GADL1: variants seen among roughly 807,000 people sequenced by gnomAD.
GADL1 encodes the protein GAD like acidic amino acid decarboxylase 1.
In GADL1, 71 loss-of-function variants were observed where a neutral mutation model predicts 69.5. The ratio of observed to expected loss-of-function variants is 1.02; its 90% CI spans 0.84 to 1.25. GADL1 has a LOEUF of 1.25. Ranked by LOEUF, GADL1 falls within the 50% of genes most tolerant of loss-of-function variation. The probability of loss-of-function intolerance (pLI) is 0.00; values close to 1 mark genes in which losing one functional copy is unlikely to be tolerated. For missense variants in GADL1, 737 were observed against 631.8 expected (o/e 1.17, Z -1.79); for synonymous variants, 254 against 214.4 (o/e 1.18, Z -1.62).
chr3:30,816,530 C>CTTTTTTTTTTTTTTTTTTTTTTTTTTT lies in GADL1; in HGVS notation c.1051-15469_1051-15443dup, dbSNP rs773530741. On this transcript the variant is annotated intron_variant, in intron 11 of 14. Coordinates refer to ENST00000282538, the MANE Select transcript of GADL1 (RefSeq NM_207359.3). Reference sequence around the variant, plus strand: ...AGACCATATATTCTTAATTTGTTTTCTTTTTTTTTTTTTTTTTTTTTTTTT... The same window carrying CTTTTTTTTTTTTTTTTTTTTTTTTTTT: ...AGACCATATATTCTTAATTTGTTTTCTTTTTTTTTTTTTTTTTTTTTTTTTTTTTTTTTTTTTTTTTTTTTTTTTTTT... Among the ~76,000 whole-genome samples the CTTTTTTTTTTTTTTTTTTTTTTTTTTT allele has an allele frequency of 5.6e-5, 3 of 53,986 alleles. 1 individual carries two copies. Among genetic ancestry groups the CTTTTTTTTTTTTTTTTTTTTTTTTTTT allele is most frequent in the Non-Finnish European group, 7.9e-5 (2 of 25,434 alleles). The allele number at this position is 53,986 out of a possible 152,430, so 35.4% of individuals were successfully genotyped here.
At chr3:30,762,524 G>T (rs562858100) in intron 14 of GADL1, among the ~76,000 whole-genome samples, 1 of 152,020 alleles carries the variant, frequency 6.6e-6, no homozygotes, top group African/African-American at 2.4e-5. Flanking sequence ...AATTCTGGGG[G>T]TACATAAGAT....
intron 12 of GADL1, among the ~76,000 whole-genome samples, chr3:30,791,294 A>T (rs1425636297): frequency 1.3e-5 from 2 of 152,176 alleles, no homozygotes; most frequent in Non-Finnish European, 2.9e-5. Context: ...TGTTAACTCA[A>T]AAGCTTGTTA....
chr3:30,815,045 G>C (rs1697438853), intron 11 of GADL1, among the ~76,000 whole-genome samples: 1 of 151,974 alleles, frequency 6.6e-6, no homozygotes, highest in East Asian at 1.9e-4. Flanking sequence ...CACTAAAAGA[G>C]ATACTTAAAC....
At chr3:30,778,938 C>T (rs1365050966) in intron 13 of GADL1, 1 of 152,162 alleles carries the variant, frequency 6.6e-6, no homozygotes, top group East Asian at 1.9e-4. Flanking sequence ...CTAGAAAAGG[C>T]TAAAGAATTG....
chr3:30,738,467 T>G (rs17026472), intron 14 of GADL1, among the ~76,000 whole-genome samples: 15,597 of 152,148 alleles, frequency 0.1, 907 homozygotes, highest in East Asian at 0.23. Flanking sequence ...ATCTCTACAC[T>G]TTTTCTTGAC....
chr3:30,872,001 G>A (rs1379302793), intron 1 of GADL1, among the ~76,000 whole-genome samples: 1 of 151,888 alleles, frequency 6.6e-6, no homozygotes, highest in African/African-American at 2.4e-5. Flanking sequence ...CCTATTGCTT[G>A]AGTAAATATT....
At chr3:30,886,120 A>C (rs528977690) in intron 1 of GADL1, among the ~76,000 whole-genome samples, 1 of 152,286 alleles carries the variant, frequency 6.6e-6, no homozygotes, top group African/African-American at 2.4e-5. Context: ...AAAATTACTA[A>C]TATTTGAACT....
intron 11 of GADL1, among the ~76,000 whole-genome samples, chr3:30,810,669 TTG>T (rs1160653301): frequency 6.6e-6 from 1 of 152,096 alleles, no homozygotes; most frequent in Non-Finnish European, 1.5e-5. Flanking sequence ...AAGGGCATGT[TTG>T]TGCAGTGGGC....
chr3:30,879,731 TA>T (rs1470321559), intron 1 of GADL1, among the ~76,000 whole-genome samples: 1 of 151,908 alleles, frequency 6.6e-6, no homozygotes, highest in Non-Finnish European at 1.5e-5. Flanking sequence ...TTGCCTGCAT[TA>T]AATATTACTT....
At chr3:30,747,873 T>C (rs1326869380) in intron 14 of GADL1, among the ~76,000 whole-genome samples, 2 of 152,206 alleles carry the variant, frequency 1.3e-5, no homozygotes, top group African/African-American at 4.8e-5. Flanking sequence ...AAAACGAGTC[T>C]GTTCCTGATT....
At chr3:30,743,961 TG>T (rs889326314) in intron 14 of GADL1, among the ~76,000 whole-genome samples, 10 of 152,112 alleles carry the variant, frequency 6.6e-5, no homozygotes, top group Admixed American at 2.0e-4. Context: ...GTCTGGATGC[TG>T]GGGGGAAGAC....
intron 14 of GADL1, among the ~76,000 whole-genome samples, chr3:30,740,497 T>C (rs1049736815): frequency 6.6e-6 from 1 of 152,164 alleles, no homozygotes; most frequent in Non-Finnish European, 1.5e-5. Context: ...CACGTCAAGT[T>C]ATGTTCAAGT....
intron 14 of GADL1, among the ~76,000 whole-genome samples, chr3:30,765,208 C>T (rs992704107): frequency 2.0e-5 from 3 of 152,136 alleles, no homozygotes; most frequent in Non-Finnish European, 4.4e-5. Context: ...GTCCTTATCC[C>T]GAATTCCCCA....
Position 30,894,630 on chromosome 3 carries a change from C to G in GADL1, c.-16G>C, listed in dbSNP as rs1402847423. On this transcript the variant is annotated 5_prime_UTR_variant, in exon 1 of 15. Transcript: ENST00000282538. ...CGCTGCTCATCTCCGCTCCCCCACTCCAGGCTGCCCCGGGCGCGGCTCCCG... is the reference window on the plus strand; with the variant it reads ...CGCTGCTCATCTCCGCTCCCCCACTGCAGGCTGCCCCGGGCGCGGCTCCCG... 1.3e-6 allele frequency: 2 copies of G among 1,549,704 alleles called. No homozygotes were observed. Among genetic ancestry groups the G allele is most frequent in the Middle Eastern group, 1.7e-4 (1 of 5,982 alleles).
chr3:30,784,954 C>G (rs1696755861), intron 13 of GADL1, among the ~76,000 whole-genome samples: 1 of 152,158 alleles, frequency 6.6e-6, no homozygotes, highest in African/African-American at 2.4e-5. Context: ...AGCTTTAAGC[C>G]TTGCAGTTGT....
Position 30,841,407 on chromosome 3 carries a change from C to T in GADL1, c.787-2294G>A, listed in dbSNP as rs187109110. On this transcript the variant is annotated intron_variant, in intron 8 of 14. Coordinates refer to ENST00000282538, the MANE Select transcript of GADL1 (RefSeq NM_207359.3). ...TTCACTGTCAAAACAAAAATTTGAG[C>T]GACAAAAATGATAATGACTGTGGTG... is the stretch of plus-strand genomic sequence containing the variant. Among the ~76,000 whole-genome samples, 736 of 151,868 alleles carry T rather than the reference C, an allele frequency of 4.8e-3. 6 individuals are homozygous for T. The highest frequency in any genetic ancestry group is 6.8e-3 in the Middle Eastern group (2 of 294).
chr3:30,803,387 A>G (rs1282006494), intron 11 of GADL1, among the ~76,000 whole-genome samples: 1 of 152,170 alleles, frequency 6.6e-6, no homozygotes, highest in Non-Finnish European at 1.5e-5. Flanking sequence ...TCATGCACAC[A>G]TGTTCACGAC....
chr3:30,803,899 T>C (rs1394736477), intron 11 of GADL1, among the ~76,000 whole-genome samples: 1 of 152,220 alleles, frequency 6.6e-6, no homozygotes, highest in East Asian at 1.9e-4. Flanking sequence ...ATAGTTATTA[T>C]TGTGCTATCA....
chr3:30,842,837 AAAAAAAG>A (rs1443360002), intron 8 of GADL1, among the ~76,000 whole-genome samples: 4 of 150,382 alleles, frequency 2.7e-5, no homozygotes, highest in Non-Finnish European at 5.9e-5. Flanking sequence ...AAAAAAAAAA[AAAAAAAG>A]TAGGACACAC....
Sources: allele counts gnomAD v4.1 joint callset (sites outside exome capture counted in the v4.1 genomes callset), GRCh38; gene constraint gnomAD v4.1.1; transcripts MANE v1.5; gene names NCBI Gene and HGNC (gene_info 2026-07-23, HGNC 2026-07-21).